The following NKAIN3 variants were observed in gnomAD, a reference collection of about 807,000 sequenced individuals.
NKAIN3 encodes the protein sodium/potassium-transporting ATPase subunit beta-1-interacting protein 3.
Under a neutral mutation model 30.2 loss-of-function variants are expected in NKAIN3, and 25 were observed. The ratio of observed to expected loss-of-function variants is 0.83; its 90% CI spans 0.60 to 1.16. The LOEUF (loss-of-function observed/expected upper bound fraction) is 1.16. Ranked by LOEUF, NKAIN3 falls within the 50% of genes most tolerant of loss-of-function variation. The pLI is 0.00. For synonymous variants in NKAIN3, 91 were observed against 89.6 expected, an observed-to-expected ratio of 1.02 and a Z score of -0.09; for missense variants, 225 against 254.1, an observed-to-expected ratio of 0.89 and a Z score of 0.78.
Position 62,978,586 on chromosome 8 carries a change from A to G in NKAIN3, c.*13179A>G, listed in dbSNP as rs1824000090. The G allele has an allele frequency of 6.6e-6, 1 of 152,350 alleles. No homozygotes were observed. Among genetic ancestry groups the G allele is most frequent in the African/African-American group, 2.4e-5 (1 of 41,440 alleles). 9.4% of individuals were successfully genotyped at this position (152,350 alleles called of 1,614,324 possible). ...TCCCCCAACCAAGCTTGAGCATCCC[A>G]GGTCTACTTCAGACTGCTGTGCTGG... On this transcript the variant is annotated 3_prime_UTR_variant, in exon 7 of 7. Coordinates refer to ENST00000623646, the MANE Select transcript of NKAIN3 (RefSeq NM_001304533.3).
intron 2 of NKAIN3, among the ~76,000 whole-genome samples, chr8:62,582,039 T>A (rs827686): frequency 0.19 from 12,921 of 66,572 alleles, 2,900 homozygotes; most frequent in African/African-American, 0.39. Flanking sequence ...CTCCCACCCA[T>A]CCTCACTCCC....
chr8:62,403,394 C>T (rs181288010), intron 1 of NKAIN3, among the ~76,000 whole-genome samples: 236 of 152,298 alleles, frequency 1.5e-3, no homozygotes, highest in African/African-American at 4.9e-3. Flanking sequence ...CAGGGCATGT[C>T]GGAGACCTTC....
At position 62,975,011 on chromosome 8, in the gene NKAIN3, T is replaced by C. The variant is rs928958542; in HGVS notation, c.*9604T>C. 1.1e-4 allele frequency among the ~76,000 whole-genome samples: 16 copies of C among 152,206 alleles called. No individual in the cohort carries two copies. The highest frequency in any genetic ancestry group is 2.9e-5 in the Non-Finnish European group (2 of 68,028). ...CAGCCTTGCATCCCAGGGATGAAGCTGACTTGATCATGGTGGGTAAGCTTT... is the reference window on the plus strand; with the variant it reads ...CAGCCTTGCATCCCAGGGATGAAGCCGACTTGATCATGGTGGGTAAGCTTT... On this transcript the variant is annotated 3_prime_UTR_variant, in exon 7 of 7. Coordinates refer to ENST00000623646, the MANE Select transcript of NKAIN3 (RefSeq NM_001304533.3).
Position 62,645,948 on chromosome 8 carries a change from T to G in NKAIN3, c.273+56154T>G, listed in dbSNP as rs956397206. Reference sequence around the variant, plus strand: ...ATTCATATGAAATTATATTCTACTTTCCGAAAATAATACTGCTCTCAAAAT... The same window carrying G: ...ATTCATATGAAATTATATTCTACTTGCCGAAAATAATACTGCTCTCAAAAT... On this transcript the variant is annotated intron_variant, in intron 3 of 6. Transcript: ENST00000623646. Among the ~76,000 whole-genome samples the G allele has an allele frequency of 1.1e-4, 16 of 152,246 alleles. No homozygotes were observed. The East Asian group carries it at 2.9e-3, about 28-fold the overall frequency.
intron 1 of NKAIN3, among the ~76,000 whole-genome samples, chr8:62,321,347 G>A (rs183255155): frequency 1.5e-3 from 231 of 152,236 alleles, no homozygotes; most frequent in African/African-American, 2.3e-3. Context: ...GTCATTCTCC[G>A]TCCAGCTTTG....
intron 4 of NKAIN3, among the ~76,000 whole-genome samples, chr8:62,872,573 G>A (rs145384410): frequency 3.9e-5 from 6 of 152,314 alleles, no homozygotes; most frequent in African/African-American, 1.4e-4. Flanking sequence ...ACTCACTTCA[G>A]TTTTTGAGCA....
chr8:62,667,761 A>G (rs1234028244), intron 3 of NKAIN3, among the ~76,000 whole-genome samples: 1 of 152,122 alleles, frequency 6.6e-6, no homozygotes, highest in Non-Finnish European at 1.5e-5. Context: ...CTTCAAGTTT[A>G]GCATGAACCT....
chr8:62,736,121 T>C (rs7821374), intron 3 of NKAIN3, among the ~76,000 whole-genome samples: 134,540 of 152,234 alleles, frequency 0.88, 59,596 homozygotes, highest in African/African-American at 0.91. Flanking sequence ...GTTTGTTGGC[T>C]TCCAGCCAGG....
At chr8:62,869,892 C>A (rs188442612) in intron 4 of NKAIN3, among the ~76,000 whole-genome samples, 34 of 152,198 alleles carry the variant, frequency 2.2e-4, no homozygotes, top group African/African-American at 3.6e-4. Context: ...CTCAGCCCCC[C>A]CGAAGTGGCT....
At chr8:62,959,433 G>GGTGTGT (rs35737951) in intron 6 of NKAIN3, among the ~76,000 whole-genome samples, 2,812 of 143,164 alleles carry the variant, frequency 0.02, 61 homozygotes, top group East Asian at 0.092. Context: ...GACAAATCAG[G>GGTGTGT]GTGTGTGTGT....
At chr8:62,930,767 G>A (rs1358014909) in intron 5 of NKAIN3, among the ~76,000 whole-genome samples, 13 of 150,862 alleles carry the variant, frequency 8.6e-5, no homozygotes, top group Non-Finnish European at 1.2e-4. Flanking sequence ...GCAGTGGCGC[G>A]ATCTCGGCTC....
At chr8:62,915,886 G>A (rs559291740) in intron 4 of NKAIN3, among the ~76,000 whole-genome samples, 3 of 152,168 alleles carry the variant, frequency 2.0e-5, no homozygotes, top group Admixed American at 6.5e-5. Context: ...GTTAATAAAT[G>A]AGCAAAAAAC....
At chr8:62,539,487 G>A (rs1219093976) in intron 1 of NKAIN3, among the ~76,000 whole-genome samples, 1 of 152,188 alleles carries the variant, frequency 6.6e-6, no homozygotes, top group East Asian at 1.9e-4. Context: ...GAGGTATATG[G>A]TGTGCAGATC....
intron 1 of NKAIN3, among the ~76,000 whole-genome samples, chr8:62,438,158 T>G (rs1280497863): frequency 6.6e-6 from 1 of 152,236 alleles, no homozygotes; most frequent in African/African-American, 2.4e-5. Flanking sequence ...ACTCCTCTTC[T>G]GGGCTGCTTT....
At chr8:62,727,008 C>A (rs1815280551) in intron 3 of NKAIN3, among the ~76,000 whole-genome samples, 1 of 152,034 alleles carries the variant, frequency 6.6e-6, no homozygotes, top group South Asian at 2.1e-4. Flanking sequence ...CATACCACAC[C>A]AAGTGGGATT....
chr8:62,886,328 C>T lies in NKAIN3; in HGVS notation c.472-32125C>T, dbSNP rs377584723. On this transcript the variant is annotated intron_variant, in intron 4 of 6. Transcript: ENST00000623646. ...CTTGTATCACTACTTATTTATTTTA[C>T]TCATACAGAAGCATATGTAAACATA... Among the ~76,000 whole-genome samples, 8 of 152,046 alleles carry T rather than the reference C, an allele frequency of 5.3e-5. No homozygotes were observed. The East Asian group carries it at 1.2e-3, about 22-fold the overall frequency.
chr8:62,499,623 G>A (rs1807354959), intron 1 of NKAIN3, among the ~76,000 whole-genome samples: 1 of 152,116 alleles, frequency 6.6e-6, no homozygotes, highest in Non-Finnish European at 1.5e-5. Context: ...ATCTCCTAAG[G>A]GTTGAAAGTC....
At chr8:62,849,136 T>A (rs1819782887) in intron 4 of NKAIN3, among the ~76,000 whole-genome samples, 1 of 152,062 alleles carries the variant, frequency 6.6e-6, no homozygotes, top group Non-Finnish European at 1.5e-5. Flanking sequence ...TTTTGTCATA[T>A]CTCTGCCAGG....
At position 62,870,689 on chromosome 8, in the gene NKAIN3, CTCTA is replaced by C. The variant is rs1216857917; in HGVS notation, c.472-47758_472-47755del. 2.3e-4 allele frequency among the ~76,000 whole-genome samples: 23 copies of C among 98,480 alleles called. 1 individual carries two copies. The highest frequency in any genetic ancestry group is 3.0e-4 in the South Asian group (1 of 3,290). 64.6% of individuals were successfully genotyped at this position (98,480 alleles called of 152,430 possible). A position where few individuals can be genotyped will look rare whatever the true frequency, so the allele number is the denominator to read the frequency against. Reference sequence around the variant, plus strand: ...TATAGATATCTATATATCTATATCTCTCTATCTATATATCTATATATCTATATCT... The same window carrying C: ...TATAGATATCTATATATCTATATCTCTCTATATATCTATATATCTATATCT... On this transcript the variant is annotated intron_variant, in intron 4 of 6. Transcript: ENST00000623646.
Sources: gnomAD v4.1 joint callset for allele counts (sites outside exome capture counted in the v4.1 genomes callset) on GRCh38, gnomAD v4.1.1 for gene constraint, MANE v1.5 for transcripts, NCBI Gene and HGNC (gene_info 2026-07-23, HGNC 2026-07-21) for gene names.